The following KAZN variants were observed in gnomAD, a reference collection of about 807,000 sequenced individuals.
KAZN encodes the protein kazrin, periplakin interacting protein.
In KAZN, 40 loss-of-function variants were observed where a neutral mutation model predicts 87.4. The observed-to-expected ratio is 0.46, with a 90% CI of 0.36 to 0.60. The LOEUF (loss-of-function observed/expected upper bound fraction) is 0.60, where lower values mean the gene tolerates loss of function less well. Ranked by LOEUF, KAZN falls within the 20% of genes least tolerant of loss-of-function variation. The pLI is 0.00. For synonymous variants in KAZN, 466 were observed against 458.3 expected, an observed-to-expected ratio of 1.02 and a Z score of -0.22; for missense variants, 898 against 1,073.9, an observed-to-expected ratio of 0.84 and a Z score of 2.29.
intron 2 of KAZN, among the ~76,000 whole-genome samples, chr1:14,409,280 G>A (rs1269138610): frequency 6.6e-6 from 1 of 152,206 alleles, no homozygotes; most frequent in East Asian, 1.9e-4. Flanking sequence ...AATTTTTAAT[G>A]CCTGGAAAGG....
At position 14,105,364 on chromosome 1, in the gene KAZN, G is replaced by C. The variant is rs78993680; in HGVS notation, c.92-75071G>C. On this transcript the variant is annotated intron_variant, in intron 1 of 16. Transcript: ENST00000636203. ...GAGTATGAGCCATGCTGGGCAGAGA[G>C]AGCCCATTCAATACAGAAAGAACAG... Among the ~76,000 whole-genome samples, 1,076 of 152,268 alleles carry C rather than the reference G, an allele frequency of 7.1e-3. 15 individuals are homozygous for C. The highest frequency in any genetic ancestry group is 0.024 in the African/African-American group (999 of 41,546).
chr1:14,908,884 AG>A (rs947950697), intron 1 of KAZN, among the ~76,000 whole-genome samples: 1 of 151,724 alleles, frequency 6.6e-6, no homozygotes, highest in Non-Finnish European at 1.5e-5. Flanking sequence ...GTGTGGTGGC[AG>A]GCGCCTGTAA....
intron 2 of KAZN, among the ~76,000 whole-genome samples, chr1:14,545,693 T>C (rs892276472): frequency 3.9e-5 from 6 of 152,182 alleles, no homozygotes; most frequent in African/African-American, 1.4e-4. Flanking sequence ...GTATTGTTCA[T>C]CCATGCTACA....
At chr1:15,013,525 GGGC>G (rs1283330611) in intron 2 of KAZN, among the ~76,000 whole-genome samples, 1 of 152,128 alleles carries the variant, frequency 6.6e-6, no homozygotes, top group Non-Finnish European at 1.5e-5. Flanking sequence ...AGGCCAAAGT[GGGC>G]GGATCACTTG....
At chr1:15,087,593 C>T (rs1375832132) in intron 8 of KAZN, among the ~76,000 whole-genome samples, 1 of 152,150 alleles carries the variant, frequency 6.6e-6, no homozygotes, top group Admixed American at 6.5e-5. Context: ...CGGGGTTTCA[C>T]CATGTCGGCC....
chr1:14,395,792 G>C (rs902180740), intron 2 of KAZN, among the ~76,000 whole-genome samples: 3 of 152,130 alleles, frequency 2.0e-5, no homozygotes, highest in African/African-American at 7.2e-5. Context: ...CATTTAACGT[G>C]AACAGCAGGG....
chr1:14,644,776 A>G (rs1433045012), intron 1 of KAZN, among the ~76,000 whole-genome samples: 1 of 152,132 alleles, frequency 6.6e-6, no homozygotes, highest in Non-Finnish European at 1.5e-5. Flanking sequence ...CCCTGTTGAT[A>G]GTTTCTTTTG....
chr1:13,992,638 T>C (rs1639337191), intron 1 of KAZN, among the ~76,000 whole-genome samples: 1 of 152,140 alleles, frequency 6.6e-6, no homozygotes, highest in Non-Finnish European at 1.5e-5. Context: ...AGGCAAATTG[T>C]ACATGAAAGT....
chr1:14,068,275 C>T (rs760874051), intron 1 of KAZN, among the ~76,000 whole-genome samples: 2 of 152,116 alleles, frequency 1.3e-5, no homozygotes, highest in Admixed American at 6.6e-5. Context: ...ATTTGTGTGA[C>T]GATGTTTTGG....
intron 1 of KAZN, among the ~76,000 whole-genome samples, chr1:14,707,338 G>A (rs781688671): frequency 6.6e-6 from 1 of 152,154 alleles, no homozygotes; most frequent in East Asian, 1.9e-4. Flanking sequence ...CTCCAACCAC[G>A]GCACCTAGTG....
upstream of KAZN, among the ~76,000 whole-genome samples, chr1:14,595,693 A>AAAAAAG (rs1383521604): frequency 6.7e-6 from 1 of 149,456 alleles, no homozygotes; most frequent in Non-Finnish European, 1.5e-5. Context: ...AAAAAAAAAA[A>AAAAAAG]AAAAAGAAAA....
At chr1:14,772,489 C>T (rs1645045729) in intron 1 of KAZN, among the ~76,000 whole-genome samples, 2 of 150,806 alleles carry the variant, frequency 1.3e-5, no homozygotes, top group African/African-American at 4.9e-5. Context: ...GCACCACCAC[C>T]CCTGCCCCAA....
At chr1:14,597,147 T>G (rs575484997), upstream of KAZN, among the ~76,000 whole-genome samples, 4 of 152,246 alleles carry the variant, frequency 2.6e-5, no homozygotes, top group Non-Finnish European at 5.9e-5. Flanking sequence ...TAAGCAGTTC[T>G]AAGTGCCTTG....
chr1:14,936,316 G>A (rs544727059), intron 1 of KAZN, among the ~76,000 whole-genome samples: 13 of 152,302 alleles, frequency 8.5e-5, no homozygotes, highest in African/African-American at 2.4e-4. Context: ...TTAGAGATGC[G>A]GTTGGTACCA....
At chr1:14,611,915 T>A (rs981743013) in intron 1 of KAZN, among the ~76,000 whole-genome samples, 6 of 152,230 alleles carry the variant, frequency 3.9e-5, no homozygotes, top group African/African-American at 1.4e-4. Context: ...TTGCACTTCC[T>A]CAAATCTGCT....
At chr1:14,329,241 G>A (rs745594309) in intron 2 of KAZN, among the ~76,000 whole-genome samples, 2 of 151,928 alleles carry the variant, frequency 1.3e-5, no homozygotes, top group African/African-American at 2.4e-5. Flanking sequence ...CTAGATTAGC[G>A]GCTCCAGCAG....
At chr1:14,221,933 G>GA (rs1225172206) in intron 2 of KAZN, 2 of 152,154 alleles carry the variant, frequency 1.3e-5, no homozygotes, top group Non-Finnish European at 2.9e-5. Context: ...AGGGAAGGTA[G>GA]ATGAAGGTCA....
rs567813889 is a variant in KAZN at position 14,735,776 on chromosome 1, G to A, written c.226+136553G>A. ...AGGAGAAATGTCCACGATAGTCCAA[G>A]AAGCGCCGTCCCTGGCCCTGGGTTT... is the stretch of plus-strand genomic sequence containing the variant. On this transcript the variant is annotated intron_variant, in intron 1 of 14. Transcript: ENST00000376030. This position sits in a 1 kb window ranked among gnomAD's most constrained non-coding sequence, Gnocchi z 4.3. 6.6e-6 allele frequency among the ~76,000 whole-genome samples: 1 copy of A among 152,326 alleles called. No individual in the cohort carries two copies. Among genetic ancestry groups the A allele is most frequent in the Non-Finnish European group, 1.5e-5 (1 of 68,032 alleles).
intron 1 of KAZN, among the ~76,000 whole-genome samples, chr1:14,887,665 A>AG (rs1364000914): frequency 1.4e-5 from 2 of 140,734 alleles, no homozygotes; most frequent in African/African-American, 5.6e-5. Flanking sequence ...CCGTCGTGGT[A>AG]GTTTTTTTTT....
Sources: allele counts gnomAD v4.1 joint callset (sites outside exome capture counted in the v4.1 genomes callset), GRCh38; gene constraint gnomAD v4.1.1; non-coding constraint Gnocchi (gnomAD v3.1); transcripts MANE v1.5; gene names NCBI Gene and HGNC (gene_info 2026-07-23, HGNC 2026-07-21).